Variants in GRIN1 observed in about 807,000 individuals in gnomAD.
GRIN1 encodes glutamate ionotropic receptor NMDA type subunit 1.
Under a neutral mutation model 103.0 loss-of-function variants are expected in GRIN1, and 38 were observed. The observed-to-expected ratio is 0.37, with a 90% CI of 0.28 to 0.48. The LOEUF (loss-of-function observed/expected upper bound fraction) is 0.48, where lower values mean the gene tolerates loss of function less well. Among genes scored for constraint, GRIN1 ranks in the 20% least tolerant of loss-of-function variants. GRIN1 has a pLI of 0.98. For synonymous variants in GRIN1, 544 were observed against 532.7 expected (o/e 1.02, Z -0.29); for missense variants, 577 against 1,288.9 (o/e 0.45, Z 8.46).
intron 19 of GRIN1, 59 bp from the exon 20 acceptor site, chr9:137,167,352 C>G (rs568529693): frequency 1.5e-6 from 2 of 1,337,088 alleles, no homozygotes; most frequent in Non-Finnish European, 2.1e-6. Context: ...GCGCTGAGGG[C>G]TGGGGTCCCT....
chr9:137,152,230 C>A (rs12238250), intron 4 of GRIN1, among the ~76,000 whole-genome samples: 141,009 of 152,262 alleles, frequency 0.93, 65,347 homozygotes, highest in Admixed American at 0.94. Context: ...CTGTTATTTT[C>A]TGAATTGTTT....
At chr9:137,165,434 G>A (rs1833817716) in intron 19 of GRIN1, 138 bp downstream of exon 19, 1 of 697,288 alleles carries the variant, frequency 1.4e-6, no homozygotes, top group Non-Finnish European at 2.6e-6. Flanking sequence ...CGGCCGCTCT[G>A]CCCAGCCCGC....
intron 18 of GRIN1, chr9:137,164,771 C>G (rs1370414983): frequency 7.7e-6 from 2 of 258,704 alleles, no homozygotes; most frequent in Non-Finnish European, 7.6e-6. Context: ...GCCTCCAGCC[C>G]TCGGCCCCTT....
At chr9:137,160,971 A>C in intron 8 of GRIN1, 85 bp from the exon 9 acceptor site, 2 of 1,568,454 alleles carry the variant, frequency 1.3e-6, no homozygotes, top group Non-Finnish European at 1.7e-6. Flanking sequence ...GAGGGGCGCC[A>C]GGGGAGGCTG....
intron 1 of GRIN1, among the ~76,000 whole-genome samples, chr9:137,140,920 C>T (rs916807577): frequency 1.3e-5 from 2 of 152,202 alleles, no homozygotes; most frequent in Admixed American, 6.5e-5. Context: ...AAGCCACCCC[C>T]GTGCCCCAGC....
Position 137,168,634 on chromosome 9 carries a change from GCCTTCC to G in GRIN1, c.*1110_*1115del. 1 of 342,116 alleles carries G rather than the reference GCCTTCC, an allele frequency of 2.9e-6. No individual in the cohort carries two copies. The highest frequency in any genetic ancestry group is 5.2e-6 in the Non-Finnish European group (1 of 193,816). 21.2% of individuals were successfully genotyped at this position (342,116 alleles called of 1,614,324 possible). On this transcript the variant is annotated 3_prime_UTR_variant, in exon 20 of 20. Transcript: ENST00000371561. The stretch of plus-strand genomic sequence containing the variant: ...CAGCACTCCCAGGGCCCGAGCGCGT[GCCTTCC>G]CCGTGCGGCCCGTGCGCAGCCGCGC...
At chr9:137,150,391 C>T (rs995600280) in intron 4 of GRIN1, among the ~76,000 whole-genome samples, 7 of 150,272 alleles carry the variant, frequency 4.7e-5, no homozygotes, top group African/African-American at 1.5e-4. Flanking sequence ...AAGCCCCGCC[C>T]AGAAAAAAGG....
chr9:137,154,106 C>T (rs1588712057), intron 4 of GRIN1, among the ~76,000 whole-genome samples: 1 of 150,630 alleles, frequency 6.6e-6, no homozygotes, highest in East Asian at 1.9e-4. Flanking sequence ...GCCACCGTGC[C>T]TGCCTTTTTT....
At chr9:137,151,478 A>C (rs1588706543) in intron 4 of GRIN1, among the ~76,000 whole-genome samples, 2 of 151,796 alleles carry the variant, frequency 1.3e-5, no homozygotes, top group East Asian at 3.9e-4. Context: ...CCACCCAGGG[A>C]AAGCCCCGCC....
chr9:137,150,474 G>GA (rs988053527), intron 4 of GRIN1, among the ~76,000 whole-genome samples: 34 of 144,030 alleles, frequency 2.4e-4, no homozygotes, highest in African/African-American at 8.4e-4. Context: ...GCCCCGCCCA[G>GA]AAAAAAAGAT....
At chr9:137,141,886 A>G (rs1832185082) in intron 1 of GRIN1, 127 bp from the exon 2 acceptor site, 2 of 982,126 alleles carry the variant, frequency 2.0e-6, no homozygotes, top group Non-Finnish European at 3.3e-6. Context: ...TGTAGCATGT[A>G]CCCGAATCAT....
intron 2 of GRIN1, among the ~76,000 whole-genome samples, chr9:137,142,424 G>C (rs537658956): frequency 6.6e-6 from 1 of 152,336 alleles, no homozygotes; most frequent in East Asian, 1.9e-4. Context: ...CCCCAGCCCA[G>C]AGCAGGCCAA....
At chr9:137,150,052 C>T (rs996819339) in intron 4 of GRIN1, among the ~76,000 whole-genome samples, 1 of 152,174 alleles carries the variant, frequency 6.6e-6, no homozygotes, top group Non-Finnish European at 1.5e-5. Context: ...TCTCCCCAGC[C>T]CAAGGTAGGG....
rs554869618 is a variant in GRIN1 at position 137,166,112 on chromosome 9, C to T, written c.2700+816C>T. Among the ~76,000 whole-genome samples, 4 of 152,268 alleles carry T rather than the reference C, an allele frequency of 2.6e-5. No homozygotes were observed. In the East Asian group the frequency reaches 7.7e-4, roughly 29 times the overall value. ...GCCCCACAAGCCCTGGCCTGCAGAG[C>T]CCAGGACGACACTGAGGTTCCCAGA... On this transcript the variant is annotated intron_variant, in intron 19 of 19. Coordinates refer to ENST00000371561, the MANE Select transcript of GRIN1 (RefSeq NM_007327.4).
chr9:137,150,862 C>T (rs1291082330), intron 4 of GRIN1, among the ~76,000 whole-genome samples: 1 of 144,324 alleles, frequency 6.9e-6, no homozygotes, highest in Non-Finnish European at 1.5e-5. Context: ...AAAAGCTCAG[C>T]CCAGGGAAAG....
At position 137,163,884 on chromosome 9, in the gene GRIN1, G is replaced by A. The variant is rs761638908; in HGVS notation, c.2569G>A (p.Val857Met). 2 of 1,612,894 alleles carry A rather than the reference G, an allele frequency of 1.2e-6. No individual in the cohort carries two copies. The highest frequency in any genetic ancestry group is 3.3e-4 in the Middle Eastern group (2 of 6,062). ...GCAGCTGGCCTTTGCCGCCGTTAAC[G>A]TGTGGCGGAAGAACCTGCAGGTAGG... Reference protein sequence around the residue: ...QMQLAFAAVNVWRKNLQDRKS... With the variant: ...QMQLAFAAVNMWRKNLQDRKS... Residue 857 changes from valine (V) to methionine (M), a missense_variant, in exon 18 of 20, where the codon GTG (valine) becomes ATG (methionine). Val to Met is a conservative substitution (Grantham distance 21, BLOSUM62 1). Coordinates refer to ENST00000371561, the MANE Select transcript of GRIN1 (RefSeq NM_007327.4).
Position 137,139,927 on chromosome 9 carries a change from C to A in GRIN1, c.258+183C>A, listed in dbSNP as rs955214269. On this transcript the variant is annotated intron_variant, in intron 1 of 19. Transcript: ENST00000371561. This position sits in a 1 kb window ranked among gnomAD's most constrained non-coding sequence, Gnocchi z 7.7. ...CCAAACACCAGGGTCTGCTGGCTCC[C>A]CTATCTTGGCCTGAGACCAGTCACC... is the stretch of plus-strand genomic sequence containing the variant. Among the ~76,000 whole-genome samples, 1 of 152,214 alleles carries A rather than the reference C, an allele frequency of 6.6e-6. No individual in the cohort carries two copies. The highest frequency in any genetic ancestry group is 1.5e-5 in the Non-Finnish European group (1 of 68,046).
At chr9:137,148,099 T>G in intron 3 of GRIN1, 1 of 1,210,428 alleles carries the variant, frequency 8.3e-7, no homozygotes, top group Non-Finnish European at 1.2e-6. Flanking sequence ...TTTTCAACCG[T>G]TTATAATCTT....
intron 8 of GRIN1, among the ~76,000 whole-genome samples, chr9:137,160,744 A>G (rs1030328764): frequency 6.6e-6 from 1 of 152,190 alleles, no homozygotes; most frequent in African/African-American, 2.4e-5. Context: ...ATCATGTCTA[A>G]GCCAAGACTG....
Sources: allele counts gnomAD v4.1 joint callset (sites outside exome capture counted in the v4.1 genomes callset), GRCh38; gene constraint gnomAD v4.1.1; non-coding constraint Gnocchi (gnomAD v3.1); transcripts MANE v1.5; gene names NCBI Gene and HGNC (gene_info 2026-07-23, HGNC 2026-07-21).